The following TENM2 variants were observed in gnomAD, a reference collection of about 807,000 sequenced individuals.
TENM2 encodes teneurin-2.
In TENM2, 52 loss-of-function variants were observed where a neutral mutation model predicts 245.2. The observed-to-expected ratio is 0.21, with a 90% confidence interval of 0.17 to 0.27. TENM2 has a LOEUF of 0.27. Among genes scored for constraint, TENM2 ranks in the 10% least tolerant of loss-of-function variants. TENM2 has a pLI of 1.00. For synonymous variants in TENM2, 1,363 were observed against 1,438.9 expected (o/e 0.95, Z 1.19); for missense variants, 3,046 against 3,666.8 (o/e 0.83, Z 4.37).
intron 25 of TENM2, among the ~76,000 whole-genome samples, chr5:168,232,889 T>G (rs1765065198): frequency 6.6e-6 from 1 of 152,134 alleles, no homozygotes; most frequent in Admixed American, 6.5e-5. Flanking sequence ...GGAGTGTTAG[T>G]CCCTTCATTC....
At chr5:167,513,221 A>T (rs954829223) in intron 2 of TENM2, among the ~76,000 whole-genome samples, 6 of 152,170 alleles carry the variant, frequency 3.9e-5, no homozygotes, top group Non-Finnish European at 8.8e-5. Context: ...CATGTCACTT[A>T]TATGACCCAG....
chr5:167,072,429 G>A, the TENM2 span, among the ~76,000 whole-genome samples: 3 of 152,170 alleles, frequency 2.0e-5, no homozygotes, highest in South Asian at 6.2e-4. Context: ...CGGAGGGCAG[G>A]GAATTGCTTT....
chr5:167,801,298 A>T (rs1018335052), intron 2 of TENM2, among the ~76,000 whole-genome samples: 2 of 151,644 alleles, frequency 1.3e-5, no homozygotes, highest in African/African-American at 4.8e-5. Context: ...GTGGCTGGTT[A>T]TGAGGGGCAG....
intron 2 of TENM2, among the ~76,000 whole-genome samples, chr5:167,435,438 C>T (rs768663946): frequency 6.6e-6 from 1 of 152,142 alleles, no homozygotes; most frequent in Non-Finnish European, 1.5e-5. Flanking sequence ...TTGCCTGCTG[C>T]GATGTAAGAT....
chr5:167,048,471 G>C, the TENM2 span, among the ~76,000 whole-genome samples: 1 of 152,070 alleles, frequency 6.6e-6, no homozygotes, highest in Admixed American at 6.6e-5. Context: ...TAAGAGATTT[G>C]GTCACACCGC....
At chr5:167,982,099 A>T (rs1583563343) in intron 4 of TENM2, among the ~76,000 whole-genome samples, 1 of 151,840 alleles carries the variant, frequency 6.6e-6, no homozygotes, top group East Asian at 1.9e-4. Context: ...CTTCTTTCAC[A>T]TCCTCAAAAA....
chr5:168,221,044 G>A (rs1763622993), intron 23 of TENM2, among the ~76,000 whole-genome samples: 1 of 151,978 alleles, frequency 6.6e-6, no homozygotes, highest in African/African-American at 2.4e-5. Context: ...CTCAGGAGGT[G>A]GAGGTTGCAG....
At chr5:167,911,528 AAAAAC>A (rs960708779) in intron 3 of TENM2, among the ~76,000 whole-genome samples, 3 of 152,212 alleles carry the variant, frequency 2.0e-5, no homozygotes, top group South Asian at 2.1e-4. Flanking sequence ...CTCCGTCTCA[AAAAAC>A]AAAACAAAAC....
At chr5:168,160,095 G>A (rs1757613443) in intron 12 of TENM2, among the ~76,000 whole-genome samples, 1 of 152,188 alleles carries the variant, frequency 6.6e-6, no homozygotes, top group Non-Finnish European at 1.5e-5. Flanking sequence ...ATGTTGGTAG[G>A]TCTGTCATTT....
At chr5:167,974,029 A>G (rs868829858) in intron 4 of TENM2, among the ~76,000 whole-genome samples, 1,031 of 63,114 alleles carry the variant, frequency 0.016, 121 homozygotes, top group African/African-American at 0.048. Flanking sequence ...GGGAGGAAGG[A>G]AGGAAGGAGA....
At position 167,409,173 on chromosome 5, in the gene TENM2, T is replaced by C. The variant is rs1048206326; in HGVS notation, c.502+33700T>C. The stretch of plus-strand genomic sequence containing the variant: ...ACTGAGCAATGTCACTTGAAAAGAA[T>C]ACAGCAGTAAGAATAAGAAACTAAA... On this transcript the variant is annotated intron_variant, in intron 2 of 28. Coordinates refer to ENST00000518659, the Ensembl canonical transcript of TENM2. 3.3e-5 allele frequency among the ~76,000 whole-genome samples: 5 copies of C among 152,040 alleles called. No homozygotes were observed. The East Asian group carries it at 7.7e-4, about 24-fold the overall frequency.
At chr5:167,583,613 C>T (rs968621999) in intron 2 of TENM2, among the ~76,000 whole-genome samples, 3 of 152,084 alleles carry the variant, frequency 2.0e-5, no homozygotes, top group Admixed American at 1.3e-4. Context: ...TATAGTACCA[C>T]AAGATTCCCA....
chr5:166,988,059 A>G, the TENM2 span, among the ~76,000 whole-genome samples: 2 of 152,224 alleles, frequency 1.3e-5, no homozygotes, highest in African/African-American at 4.8e-5. Flanking sequence ...AATAGCTCTG[A>G]AAGTGGATGG....
At chr5:167,313,718 C>G (rs986043526) in intron 1 of TENM2, among the ~76,000 whole-genome samples, 1 of 152,200 alleles carries the variant, frequency 6.6e-6, no homozygotes, top group East Asian at 1.9e-4. Context: ...CTTCTCCCAT[C>G]ATTCACTCTA....
intron 25 of TENM2, among the ~76,000 whole-genome samples, chr5:168,233,253 G>A (rs184117009): frequency 3.3e-4 from 50 of 152,254 alleles, no homozygotes; most frequent in African/African-American, 1.2e-3. Flanking sequence ...TTGAACCAGG[G>A]AGTCGGAGGT....
At chr5:167,419,524 T>C (rs6899302) in intron 2 of TENM2, among the ~76,000 whole-genome samples, 67,841 of 152,052 alleles carry the variant, frequency 0.45, 15,798 homozygotes, top group Non-Finnish European at 0.5. Flanking sequence ...AACGACAAAA[T>C]TTCATCAGCA....
At chr5:167,015,939 A>C in the TENM2 span, among the ~76,000 whole-genome samples, 1 of 152,044 alleles carries the variant, frequency 6.6e-6, no homozygotes, top group African/African-American at 2.4e-5. Context: ...CCAGAAAGTG[A>C]GGAGAATTCC....
chr5:167,061,161 C>G, the TENM2 span, among the ~76,000 whole-genome samples: 4 of 152,004 alleles, frequency 2.6e-5, no homozygotes, highest in Admixed American at 1.3e-4. Context: ...GAATGTTAAT[C>G]CCAGTTAATG....
At chr5:168,248,512 T>C (rs79606883) in intron 27 of TENM2, 141 bp downstream of exon 29, 11,267 of 824,194 alleles carry the variant, frequency 0.014, 97 homozygotes, top group Non-Finnish European at 0.017. Flanking sequence ...TTGGCAGCAC[T>C]ACAGAGTCTA....
Sources: allele counts gnomAD v4.1 joint callset (sites outside exome capture counted in the v4.1 genomes callset), GRCh38; gene constraint gnomAD v4.1.1; transcripts MANE v1.5; gene names NCBI Gene and HGNC (gene_info 2026-07-23, HGNC 2026-07-21).